Variants in CDKL5 observed in about 807,000 individuals in gnomAD.
CDKL5 encodes the protein cyclin dependent kinase like 5.
CDKL5 carries 8 observed loss-of-function variants against 61.7 expected under a neutral mutation model. The ratio of observed to expected loss-of-function variants is 0.13; its 90% CI spans 0.08 to 0.23. The LOEUF is 0.23. Among genes scored for constraint, CDKL5 ranks in the 10% least tolerant of loss-of-function variants. The pLI, the probability that CDKL5 is intolerant of heterozygous loss-of-function variation, is 1.00. For missense variants in CDKL5, 440 were observed against 734.5 expected (o/e 0.60, Z 4.63); for synonymous variants, 275 against 272.3 (o/e 1.01, Z -0.10).
intron 3 of CDKL5, among the ~76,000 whole-genome samples, chrX:18,511,380 C>T (rs1313033347): frequency 1.0e-4 from 11 of 109,795 alleles, no homozygotes; most frequent in Non-Finnish European, 9.5e-5. Context: ...TTAGCAATCA[C>T]GTGCTATTTT....
At position 18,459,250 on chromosome X, in the gene CDKL5, G is replaced by A. The variant is rs148546796; in HGVS notation, c.-163+33555G>A. Among the ~76,000 whole-genome samples, 7 of 111,424 alleles carry A rather than the reference G, an allele frequency of 6.3e-5. No homozygotes were observed. The East Asian group carries it at 1.7e-3, about 27-fold the overall frequency. ...CTAGGTTTGTATCAGTTTTGTTGTCGTGCTGCTATAAAGAAATACCTGAGG... is the reference window on the plus strand; with the variant it reads ...CTAGGTTTGTATCAGTTTTGTTGTCATGCTGCTATAAAGAAATACCTGAGG... On this transcript the variant is annotated intron_variant, in intron 1 of 17. Transcript: ENST00000623535.
rs1169762076 is a variant in CDKL5 at position 18,632,581 on chromosome X, G to A, written c.*3824G>A. 1.3e-6 allele frequency: 1 copy of A among 754,498 alleles called. No homozygotes were observed. The highest frequency in any genetic ancestry group is 1.6e-6 in the Non-Finnish European group (1 of 639,238). The allele number at this position is 754,498 out of a possible 1,213,427, so 62.2% of individuals were successfully genotyped here. ...AGTCCGTATTGGTGGTTGTGATGTG[G>A]CTGTTATAGAAGTATTTGTGCTGTA... On this transcript the variant is annotated 3_prime_UTR_variant, in exon 18 of 18. Coordinates refer to ENST00000623535, the MANE Select transcript of CDKL5 (RefSeq NM_001323289.2).
chrX:18,477,226 C>T (rs1228518969), intron 1 of CDKL5, among the ~76,000 whole-genome samples: 1 of 111,648 alleles, frequency 9.0e-6, no homozygotes, highest in Non-Finnish European at 1.9e-5. Context: ...GCCACCACGC[C>T]TGGCTAATTT....
intron 2 of CDKL5, among the ~76,000 whole-genome samples, chrX:18,509,197 GCACACACACACACACACACA>G (rs60516677): frequency 3.4e-4 from 22 of 64,308 alleles, no homozygotes; most frequent in African/African-American, 1.2e-4. Flanking sequence ...CTCAAAACAC[GCACACACACACACACACACA>G]CACACACACA....
chrX:18,522,325 C>T (rs1923272787), intron 3 of CDKL5, among the ~76,000 whole-genome samples: 1 of 101,045 alleles, frequency 9.9e-6, no homozygotes, highest in African/African-American at 3.6e-5. Flanking sequence ...CTCTGTTGCC[C>T]AGGCTGGAGC....
intron 1 of CDKL5, among the ~76,000 whole-genome samples, chrX:18,504,219 T>A (rs927222316): frequency 3.6e-5 from 4 of 111,089 alleles, no homozygotes; most frequent in African/African-American, 9.8e-5. Flanking sequence ...GATCCTCCCG[T>A]CTCAGCCTCC....
At chrX:18,484,427 C>T (rs1306485229) in intron 1 of CDKL5, among the ~76,000 whole-genome samples, 2 of 110,005 alleles carry the variant, frequency 1.8e-5, no homozygotes. Context: ...AAGTGATTCT[C>T]CTGCCTCAGC....
chrX:18,645,889 C>A, intron 19 of CDKL5: 1 of 1,135,725 alleles, frequency 8.8e-7, no homozygotes. Context: ...TAGATGGGGC[C>A]CCCTAACCAA....
chrX:18,589,577 T>G (rs1233027896), intron 9 of CDKL5: 4 of 111,779 alleles, frequency 3.6e-5, no homozygotes, highest in South Asian at 7.5e-4. Flanking sequence ...TCTTTGCTAT[T>G]GTGAATAGTG....
At chrX:18,530,196 G>A (rs1923593004) in intron 3 of CDKL5, among the ~76,000 whole-genome samples, 1 of 108,119 alleles carries the variant, frequency 9.2e-6, no homozygotes, top group Non-Finnish European at 1.9e-5. Flanking sequence ...GCCGGGCATG[G>A]TGGTGCACGC....
chrX:18,520,347 C>T (rs73191522), intron 3 of CDKL5, among the ~76,000 whole-genome samples: 5,437 of 111,992 alleles, frequency 0.049, 128 homozygotes, highest in South Asian at 0.093. Context: ...AACATGTGAC[C>T]GTTTGTGTTT....
chrX:18,586,791 A>G (rs1465812978), intron 8 of CDKL5, among the ~76,000 whole-genome samples: 2 of 111,800 alleles, frequency 1.8e-5, no homozygotes, highest in Admixed American at 9.5e-5. Context: ...AAAATTTTCC[A>G]TAAGTTTCTC....
chrX:18,644,502 C>T, downstream of CDKL5: 1 of 1,211,748 alleles, frequency 8.3e-7, no homozygotes, highest in Non-Finnish European at 1.1e-6. Flanking sequence ...GCACGCTGTA[C>T]TTGGTCATCC....
chrX:18,514,246 G>C (rs1327187763), intron 3 of CDKL5, among the ~76,000 whole-genome samples: 1 of 110,955 alleles, frequency 9.0e-6, no homozygotes, highest in Non-Finnish European at 1.9e-5. Flanking sequence ...AATTTCAAAG[G>C]AAAAATATAG....
At chrX:18,507,556 A>T (rs1244887145) in intron 2 of CDKL5, among the ~76,000 whole-genome samples, 10 of 58,483 alleles carry the variant, frequency 1.7e-4, no homozygotes, top group Non-Finnish European at 1.9e-4. Context: ...CTTAAATTTC[A>T]TTCATTCATT....
chrX:18,479,620 G>A (rs1921474760), intron 1 of CDKL5, among the ~76,000 whole-genome samples: 3 of 110,992 alleles, frequency 2.7e-5, no homozygotes, highest in Admixed American at 1.9e-4. Flanking sequence ...CGCCCGGCCA[G>A]CCACTATTTC....
At chrX:18,650,819 G>A (rs953944463) in intron 21 of CDKL5, among the ~76,000 whole-genome samples, 2 of 112,373 alleles carry the variant, frequency 1.8e-5, no homozygotes, top group South Asian at 3.7e-4. Context: ...CAGCGTGTGC[G>A]CAGGCCAGTT....
rs777827187 is a variant in CDKL5 at position 18,500,422 on chromosome X, CA to C, written c.-162-6510del. Among the ~76,000 whole-genome samples, 115 of 112,093 alleles carry C rather than the reference CA, an allele frequency of 1.0e-3. 1 individual carries two copies. The highest frequency in any genetic ancestry group is 4.3e-3 in the Admixed American group (45 of 10,554). The stretch of plus-strand genomic sequence containing the variant: ...CCTTGATCTCTAACGATTTCAAGAG[CA>C]AACCTGTTTTTCTCTCATTTTCTGG... On this transcript the variant is annotated intron_variant, in intron 1 of 17. Coordinates refer to ENST00000623535, the MANE Select transcript of CDKL5 (RefSeq NM_001323289.2).
intron 3 of CDKL5, among the ~76,000 whole-genome samples, chrX:18,547,156 A>AAATG (rs1430089151): frequency 4.5e-5 from 5 of 112,314 alleles, no homozygotes; most frequent in African/African-American, 9.7e-5. Context: ...TTGGTTGAAT[A>AAATG]AATGAATGAA....
Sources: allele counts gnomAD v4.1 joint callset (sites outside exome capture counted in the v4.1 genomes callset), GRCh38; gene constraint gnomAD v4.1.1; transcripts MANE v1.5; gene names NCBI Gene and HGNC (gene_info 2026-07-23, HGNC 2026-07-21).